Variants in SNTG1 observed in about 807,000 individuals in gnomAD.
The protein encoded by SNTG1 is gamma-1-syntrophin.
A neutral mutation model predicts 74.7 loss-of-function variants in SNTG1; 39 were observed. The observed-to-expected ratio is 0.52, with a 90% CI of 0.40 to 0.68. The LOEUF (loss-of-function observed/expected upper bound fraction) is 0.68. Ranked by LOEUF, SNTG1 falls within the 30% of genes least tolerant of loss-of-function variation. The pLI is 0.00. For synonymous variants in SNTG1, 254 were observed against 217.1 expected (o/e 1.17, Z -1.49); for missense variants, 685 against 609.5 (o/e 1.12, Z -1.30).
chr8:50,615,214 C>A (rs2131009318), intron 13 of SNTG1, among the ~76,000 whole-genome samples: 1 of 152,206 alleles, frequency 6.6e-6, no homozygotes, highest in African/African-American at 2.4e-5. Flanking sequence ...CCTGCCTCGG[C>A]CTCCCAAAGT....
chr8:50,362,684 A>AAGCTACTTATG (rs2091993620), intron 2 of SNTG1, among the ~76,000 whole-genome samples: 3 of 152,194 alleles, frequency 2.0e-5, no homozygotes, highest in Admixed American at 6.5e-5. Context: ...TACTATATGG[A>AAGCTACTTATG]AGCTACTTAT....
At chr8:49,971,967 T>A (rs1811727338) in intron 1 of SNTG1, among the ~76,000 whole-genome samples, 1 of 152,148 alleles carries the variant, frequency 6.6e-6, no homozygotes, top group South Asian at 2.1e-4. Flanking sequence ...TTCAATGCCA[T>A]CCCCATCAAG....
At chr8:50,777,235 AATAAT>A (rs1357579941) in intron 18 of SNTG1, among the ~76,000 whole-genome samples, 3 of 146,850 alleles carry the variant, frequency 2.0e-5, no homozygotes, top group African/African-American at 7.4e-5. Context: ...ATATATATAT[AATAAT>A]ATAATATATA....
intron 12 of SNTG1, among the ~76,000 whole-genome samples, chr8:50,567,598 C>T (rs545251252): frequency 1.3e-5 from 2 of 151,724 alleles, no homozygotes; most frequent in South Asian, 4.2e-4. Context: ...GTTGTTTTTC[C>T]CCACCTGACA....
chr8:49,932,474 T>G (rs1344539174), intron 1 of SNTG1, among the ~76,000 whole-genome samples: 1 of 152,050 alleles, frequency 6.6e-6, no homozygotes, highest in African/African-American at 2.4e-5. Flanking sequence ...ATATATAACT[T>G]TCATTATTAA....
chr8:49,996,372 C>A (rs1405728455), intron 1 of SNTG1, among the ~76,000 whole-genome samples: 1 of 144,018 alleles, frequency 6.9e-6, no homozygotes, highest in Non-Finnish European at 1.5e-5. Context: ...CAGTAAGAAG[C>A]TTTTTTTTTT....
At chr8:50,217,968 C>G (rs1284627272) in intron 2 of SNTG1, among the ~76,000 whole-genome samples, 1 of 152,162 alleles carries the variant, frequency 6.6e-6, no homozygotes, top group Non-Finnish European at 1.5e-5. Context: ...TTGTTAAGTT[C>G]TGCTCTGTGA....
chr8:50,214,207 A>C (rs943598164), intron 2 of SNTG1, among the ~76,000 whole-genome samples: 1 of 137,750 alleles, frequency 7.3e-6, no homozygotes, highest in African/African-American at 2.7e-5. Flanking sequence ...GAATTGAACA[A>C]TGAGAACACA....
At chr8:50,635,201 GCACTGCC>G (rs988196410) in intron 13 of SNTG1, among the ~76,000 whole-genome samples, 1 of 152,096 alleles carries the variant, frequency 6.6e-6, no homozygotes, top group Non-Finnish European at 1.5e-5. Context: ...AATACACTAA[GCACTGCC>G]CCTGGGACTC....
chr8:49,940,896 A>G (rs1224407764), intron 1 of SNTG1, among the ~76,000 whole-genome samples: 1 of 152,206 alleles, frequency 6.6e-6, no homozygotes, highest in Non-Finnish European at 1.5e-5. Context: ...GACTGCTCTG[A>G]GGAAATGATC....
At chr8:50,539,401 A>G (rs2094330313) in intron 11 of SNTG1, among the ~76,000 whole-genome samples, 2 of 152,150 alleles carry the variant, frequency 1.3e-5, no homozygotes, top group South Asian at 4.1e-4. Context: ...CACCATGCTG[A>G]CACCTGGAAA....
At chr8:50,644,682 T>G (rs2095095844) in intron 13 of SNTG1, among the ~76,000 whole-genome samples, 1 of 152,142 alleles carries the variant, frequency 6.6e-6, no homozygotes, top group African/African-American at 2.4e-5. Context: ...GGTAGGGGAT[T>G]TCTGTCCCAA....
intron 1 of SNTG1, among the ~76,000 whole-genome samples, chr8:50,135,065 T>G (rs1348771278): frequency 6.6e-6 from 1 of 152,144 alleles, no homozygotes. Flanking sequence ...AATGAACATC[T>G]CTGTGAGACT....
chr8:50,044,894 T>C (rs12545107), intron 1 of SNTG1, among the ~76,000 whole-genome samples: 23,961 of 152,188 alleles, frequency 0.16, 2,342 homozygotes, highest in Middle Eastern at 0.27. Flanking sequence ...ATTTGTTCAG[T>C]GAATTAAAAT....
chr8:49,977,894 G>A (rs1186926141), intron 1 of SNTG1, among the ~76,000 whole-genome samples: 1 of 152,212 alleles, frequency 6.6e-6, no homozygotes, highest in Non-Finnish European at 1.5e-5. Flanking sequence ...GCGTTAGACG[G>A]TCTTCAGTTG....
chr8:50,176,818 A>G (rs2083015871), intron 2 of SNTG1, among the ~76,000 whole-genome samples: 1 of 152,194 alleles, frequency 6.6e-6, no homozygotes, highest in African/African-American at 2.4e-5. Context: ...GCTACACTTA[A>G]AAATAGTCCC....
In SNTG1 at chr8:50,347,972, T is replaced by A. The variant is rs2091531681; in HGVS notation, c.-27-46240T>A. 1.8e-4 allele frequency among the ~76,000 whole-genome samples: 27 copies of A among 152,180 alleles called. 2 individuals carry two copies. The highest frequency in any genetic ancestry group is 5.2e-4 in the Admixed American group (8 of 15,276). On this transcript the variant is annotated intron_variant, in intron 2 of 18. Coordinates refer to ENST00000642720, the MANE Select transcript of SNTG1 (RefSeq NM_018967.5). ...ATATAATGTTACAGGATGTTTGCTT[T>A]CACTTCCCCAAGAAACATTTTTACA...
intron 3 of SNTG1, among the ~76,000 whole-genome samples, chr8:50,395,716 T>C (rs1391542910): frequency 2.0e-5 from 3 of 152,144 alleles, no homozygotes; most frequent in African/African-American, 7.2e-5. Context: ...TTTCACCGTG[T>C]TAGCCAGGAA....
At chr8:50,338,519 T>C (rs2091223258) in intron 2 of SNTG1, among the ~76,000 whole-genome samples, 1 of 152,246 alleles carries the variant, frequency 6.6e-6, no homozygotes, top group South Asian at 2.1e-4. Flanking sequence ...AGAAGTATAA[T>C]GGAATAAAGT....
Sources: allele counts gnomAD v4.1 joint callset (sites outside exome capture counted in the v4.1 genomes callset), GRCh38; gene constraint gnomAD v4.1.1; transcripts MANE v1.5; gene names NCBI Gene and HGNC (gene_info 2026-07-23, HGNC 2026-07-21).